Variants in UMODL1 observed in about 807,000 individuals in gnomAD.
The protein encoded by UMODL1 is uromodulin-like 1.
A neutral mutation model predicts 136.3 loss-of-function variants in UMODL1; 128 were observed. The observed-to-expected ratio is 0.94, with a 90% CI of 0.81 to 1.09. The LOEUF is 1.09. Among genes scored for constraint, UMODL1 ranks in the 50% least tolerant of loss-of-function variants. UMODL1 has a pLI of 0.00. For synonymous variants in UMODL1, 721 were observed against 720.0 expected (o/e 1.00, Z -0.02); for missense variants, 1,766 against 1,725.6 (o/e 1.02, Z -0.41).
chr21:42,135,129 T>C (rs1161243073), intron 21 of UMODL1, among the ~76,000 whole-genome samples: 1 of 152,208 alleles, frequency 6.6e-6, no homozygotes. Context: ...CATTTAAATT[T>C]CCCCCGCATC....
rs1180033653 is a variant in UMODL1 at position 42,085,338 on chromosome 21, G to C, written c.529G>C (p.Val177Leu). Reference sequence around the variant, plus strand: ...CTCCTGGTACAACGTCACCATACTGGTGAAAATGGACTTCAAGGAACTCCA... The same window carrying C: ...CTCCTGGTACAACGTCACCATACTGCTGAAAATGGACTTCAAGGAACTCCA... ...VGSWYNVTILVKMDFKELQQV... is the reference protein window; with the variant it reads ...VGSWYNVTILLKMDFKELQQV... Residue 177 changes from valine (V) to leucine (L), a missense_variant, in exon 4 of 23, where the codon GTG becomes CTG. Coordinates refer to ENST00000408910, the MANE Select transcript of UMODL1 (RefSeq NM_001004416.3). The surrounding 1 kb of genome is among the most constrained non-coding windows in gnomAD (Gnocchi z 4.5). The C allele has an allele frequency of 1.2e-6, 2 of 1,614,068 alleles. No individual in the cohort carries two copies. The highest frequency in any genetic ancestry group is 3.3e-5 in the Admixed American group (2 of 60,014).
At chr21:42,101,640 C>A in intron 7 of UMODL1, 1 of 440,366 alleles carries the variant, frequency 2.3e-6, no homozygotes, top group Non-Finnish European at 4.5e-6. Context: ...TTTTTTCCAT[C>A]TTTGCTTATG....
intron 6 of UMODL1, among the ~76,000 whole-genome samples, chr21:42,090,962 T>C (rs2066484817): frequency 6.6e-6 from 1 of 152,136 alleles, no homozygotes; most frequent in South Asian, 2.1e-4. Flanking sequence ...GAGCTGCCGT[T>C]TTTTTCTTCG....
intron 20 of UMODL1, among the ~76,000 whole-genome samples, chr21:42,128,488 C>T (rs2067091873): frequency 7.0e-6 from 1 of 142,264 alleles, no homozygotes; most frequent in Non-Finnish European, 1.5e-5. Flanking sequence ...AGTGCTTGTT[C>T]CTGCTCTCAT....
At position 42,125,445 on chromosome 21, in the gene UMODL1, C is replaced by T. The variant is rs187351095; in HGVS notation, c.3148-900C>T. 4.6e-5 allele frequency among the ~76,000 whole-genome samples: 7 copies of T among 152,332 alleles called. No homozygotes were observed. In the East Asian group the frequency reaches 5.8e-4, roughly 13 times the overall value. ...ACAGCTCACTCTGCCGAGCTCATTCCGCCCCCTCGGGGGCTCTTCAGATCC... is the reference window on the plus strand; with the variant it reads ...ACAGCTCACTCTGCCGAGCTCATTCTGCCCCCTCGGGGGCTCTTCAGATCC... On this transcript the variant is annotated intron_variant, in intron 17 of 22. Transcript: ENST00000408910.
At chr21:42,116,696 GT>G in intron 14 of UMODL1, among the ~76,000 whole-genome samples, 1 of 152,006 alleles carries the variant, frequency 6.6e-6, no homozygotes, top group Non-Finnish European at 1.5e-5. Flanking sequence ...CAATTCAGTG[GT>G]TTAGACTATT....
Position 42,085,580 on chromosome 21 carries a change from C to A in UMODL1, c.603+168C>A. ...ATTCTAGTTCTTAAAAAATCAGCTTCAAAGAGGTATGATTTACATGCAACA... is the reference window on the plus strand; with the variant it reads ...ATTCTAGTTCTTAAAAAATCAGCTTAAAAGAGGTATGATTTACATGCAACA... On this transcript the variant is annotated intron_variant, in intron 4 of 22. Coordinates refer to ENST00000408910, the MANE Select transcript of UMODL1 (RefSeq NM_001004416.3). The surrounding 1 kb of genome is among the most constrained non-coding windows in gnomAD (Gnocchi z 4.5). 9.5e-7 allele frequency: 1 copy of A among 1,048,544 alleles called. No individual in the cohort carries two copies. Among genetic ancestry groups the A allele is most frequent in the Non-Finnish European group, 1.4e-6 (1 of 725,210 alleles). 65.0% of individuals were successfully genotyped at this position (1,048,544 alleles called of 1,614,324 possible).
intron 21 of UMODL1, among the ~76,000 whole-genome samples, chr21:42,134,403 G>C (rs1235302128): frequency 2.0e-5 from 3 of 152,100 alleles, no homozygotes; most frequent in African/African-American, 7.2e-5. Context: ...ACATTCATGA[G>C]CATGTCCCTG....
chr21:42,075,250 G>A (rs916689691), intron 1 of UMODL1, among the ~76,000 whole-genome samples: 2 of 151,682 alleles, frequency 1.3e-5, no homozygotes, highest in African/African-American at 2.4e-5. Flanking sequence ...ATGGGGGGGG[G>A]GTTTCACCAT....
intron 22 of UMODL1, among the ~76,000 whole-genome samples, chr21:42,139,666 A>G (rs1378194589): frequency 6.6e-6 from 1 of 152,120 alleles, no homozygotes; most frequent in Non-Finnish European, 1.5e-5. Context: ...CCGACCCACC[A>G]GATGTCCTTA....
intron 1 of UMODL1, among the ~76,000 whole-genome samples, chr21:42,072,741 G>A (rs913409378): frequency 5.3e-5 from 8 of 152,242 alleles, no homozygotes; most frequent in African/African-American, 1.9e-4. Context: ...ACAGGGGTTT[G>A]TGAGCCTGGG....
intron 9 of UMODL1, among the ~76,000 whole-genome samples, chr21:42,108,126 T>TG (rs1218757657): frequency 2.0e-5 from 3 of 152,164 alleles, no homozygotes; most frequent in African/African-American, 7.2e-5. Flanking sequence ...GGGAGCTGTC[T>TG]GGGGGGACGG....
In UMODL1 at chr21:42,065,196, T is replaced by C. The variant is rs796618116; in HGVS notation, c.-141+1982T>C. On this transcript the variant is annotated intron_variant, in intron 1 of 22. Transcript: ENST00000400424. ...GGCAGCTGCCTGTTGCGATGAGGGC[T>C]GGCGGGGAACGATCCCCTCTGAGTT... Among the ~76,000 whole-genome samples the C allele has an allele frequency of 3.3e-5, 5 of 152,224 alleles. 2 individuals carry two copies. The South Asian group carries it at 1.0e-3, about 32-fold the overall frequency.
intron 21 of UMODL1, among the ~76,000 whole-genome samples, chr21:42,132,810 A>G (rs1375069439): frequency 6.6e-6 from 1 of 152,202 alleles, no homozygotes; most frequent in African/African-American, 2.4e-5. Context: ...GGCACTTAAT[A>G]ATTTTGTGGC....
intron 17 of UMODL1, 52 bp from the exon 18 acceptor site, chr21:42,126,293 G>T: frequency 6.2e-7 from 1 of 1,608,962 alleles, no homozygotes; most frequent in East Asian, 2.2e-5. Context: ...ACAGCAGGGC[G>T]TGGGGGGCCG....
chr21:42,075,192 G>A (rs537471072), intron 1 of UMODL1, among the ~76,000 whole-genome samples: 6 of 151,872 alleles, frequency 4.0e-5, no homozygotes, highest in South Asian at 2.1e-4. Flanking sequence ...ATGAGCCACC[G>A]CGCCCAGCCC....
upstream of UMODL1, among the ~76,000 whole-genome samples, chr21:42,067,411 G>T (rs1293187833): frequency 1.3e-5 from 2 of 152,148 alleles, no homozygotes; most frequent in Non-Finnish European, 2.9e-5. Flanking sequence ...ATAAAATCAG[G>T]AGGCATTAAA....
intron 4 of UMODL1, among the ~76,000 whole-genome samples, chr21:42,087,339 G>A (rs1353522044): frequency 6.6e-6 from 1 of 152,116 alleles, no homozygotes; most frequent in Non-Finnish European, 1.5e-5. Flanking sequence ...TCCCAGGAAG[G>A]GGCTTCAAGT....
At chr21:42,074,739 T>G (rs962174657) in intron 1 of UMODL1, among the ~76,000 whole-genome samples, 2 of 152,068 alleles carry the variant, frequency 1.3e-5, no homozygotes, top group African/African-American at 4.8e-5. Context: ...CTGGTCTTTT[T>G]TTTGAGATGG....
Sources: allele counts gnomAD v4.1 joint callset (sites outside exome capture counted in the v4.1 genomes callset), GRCh38; gene constraint gnomAD v4.1.1; non-coding constraint Gnocchi (gnomAD v3.1); transcripts MANE v1.5; gene names NCBI Gene and HGNC (gene_info 2026-07-23, HGNC 2026-07-21).